Variants in SPHKAP observed in about 807,000 individuals in gnomAD.
The protein encoded by SPHKAP is SPHK1 interactor, AKAP domain containing.
Under a neutral mutation model 137.5 loss-of-function variants are expected in SPHKAP, and 67 were observed. The ratio of observed to expected loss-of-function variants is 0.49; its 90% confidence interval spans 0.40 to 0.60. The LOEUF is 0.60. Ranked by LOEUF, SPHKAP falls within the 20% of genes least tolerant of loss-of-function variation. The probability of loss-of-function intolerance (pLI) is 0.00; values close to 1 mark genes in which losing one functional copy is unlikely to be tolerated. For synonymous variants in SPHKAP, 813 were observed against 785.3 expected (o/e 1.04, Z -0.59); for missense variants, 2,097 against 2,069.3 (o/e 1.01, Z -0.26).
At chr2:228,124,426 C>T (rs1489249199) in intron 2 of SPHKAP, among the ~76,000 whole-genome samples, 1 of 152,002 alleles carries the variant, frequency 6.6e-6, no homozygotes, top group African/African-American at 2.4e-5. Context: ...AGTTCATGTC[C>T]TTTGTAGGGA....
At chr2:228,156,839 C>T (rs10933240) in intron 1 of SPHKAP, among the ~76,000 whole-genome samples, 33,993 of 152,044 alleles carry the variant, frequency 0.22, 4,236 homozygotes, top group East Asian at 0.5. Context: ...CCATGTAAGA[C>T]GTGGCTTTGC....
chr2:228,131,842 C>T, intron 2 of SPHKAP, 138 bp downstream of exon 2: 1 of 1,414,564 alleles, frequency 7.1e-7, no homozygotes, highest in Non-Finnish European at 9.3e-7. Flanking sequence ...TCAAGGCTTA[C>T]TTGGGAAAGC....
At chr2:228,173,025 G>T (rs1197023117) in intron 1 of SPHKAP, 2 of 985,174 alleles carry the variant, frequency 2.0e-6, no homozygotes, top group East Asian at 1.1e-4. Flanking sequence ...CAATAAACAT[G>T]TGCCAAAGAG....
At chr2:228,109,932 T>A (rs1284927342) in intron 2 of SPHKAP, among the ~76,000 whole-genome samples, 5 of 101,652 alleles carry the variant, frequency 4.9e-5, no homozygotes, top group Non-Finnish European at 9.1e-5. Context: ...CACTCCAGCT[T>A]GGGCAACAAG....
rs1310289145 is a variant in SPHKAP, at chr2:228,181,220, T to C, written c.32+347A>G. On this transcript the variant is annotated intron_variant, in intron 1 of 11. Transcript: ENST00000392056. This position sits in a 1 kb window ranked among gnomAD's most constrained non-coding sequence, Gnocchi z 4.3. ...TTGGAATCTGTCTCTCCACAAGGTG[T>C]GAAACCTCTCCAAGCTGTGTCCGCG... Among the ~76,000 whole-genome samples, 1 of 152,076 alleles carries C rather than the reference T, an allele frequency of 6.6e-6. No individual in the cohort carries two copies. The highest frequency in any genetic ancestry group is 2.4e-5 in the African/African-American group (1 of 41,426).
chr2:228,152,919 A>AG (rs971761751), intron 1 of SPHKAP, among the ~76,000 whole-genome samples: 3 of 152,080 alleles, frequency 2.0e-5, no homozygotes, highest in Admixed American at 6.6e-5. Flanking sequence ...TGTCTGTGGC[A>AG]GGGGGGACCC....
At chr2:228,010,755 T>C (rs1001137585) in intron 7 of SPHKAP, among the ~76,000 whole-genome samples, 5 of 152,232 alleles carry the variant, frequency 3.3e-5, no homozygotes, top group African/African-American at 1.2e-4. Context: ...TTTTTATATC[T>C]ACCTTATTCT....
At chr2:228,137,303 G>T (rs1033819483) in intron 1 of SPHKAP, among the ~76,000 whole-genome samples, 32 of 152,204 alleles carry the variant, frequency 2.1e-4, no homozygotes, top group Admixed American at 5.2e-4. Context: ...TATTGAAGTT[G>T]TATGTTCTTA....
intron 2 of SPHKAP, among the ~76,000 whole-genome samples, chr2:228,113,627 C>CTCTCTCTCTCTCTCTCTCTCTCTA (rs1698595965): frequency 6.9e-6 from 1 of 144,700 alleles, no homozygotes; most frequent in Non-Finnish European, 1.5e-5. Flanking sequence ...CTCTCTCTCT[C>CTCTCTCTCTCTCTCTCTCTCTCTA]TCTCTCTCTC....
chr2:228,020,413 T>C (rs2106217924), intron 6 of SPHKAP, among the ~76,000 whole-genome samples: 1 of 152,282 alleles, frequency 6.6e-6, no homozygotes, highest in Middle Eastern at 3.4e-3. Flanking sequence ...TTCATGTCAT[T>C]TGTAGGGACA....
At chr2:228,076,760 A>G (rs1697196247) in intron 3 of SPHKAP, among the ~76,000 whole-genome samples, 1 of 152,246 alleles carries the variant, frequency 6.6e-6, no homozygotes, top group Admixed American at 6.5e-5. Flanking sequence ...AATAGAAAAG[A>G]AAATCCCATT....
intron 3 of SPHKAP, among the ~76,000 whole-genome samples, chr2:228,081,259 T>C (rs570049502): frequency 1.6e-4 from 24 of 152,336 alleles, no homozygotes; most frequent in African/African-American, 5.5e-4. Flanking sequence ...CATGGATTAT[T>C]GTACCCTCTC....
intron 11 of SPHKAP, among the ~76,000 whole-genome samples, chr2:227,988,060 T>A (rs1574710125): frequency 6.6e-6 from 1 of 152,234 alleles, no homozygotes. Flanking sequence ...AGACGAGCTC[T>A]CTTTCGTACA....
chr2:228,032,348 AC>A (rs1174821924), intron 3 of SPHKAP, among the ~76,000 whole-genome samples: 1 of 152,234 alleles, frequency 6.6e-6, no homozygotes, highest in Non-Finnish European at 1.5e-5. Flanking sequence ...AATTAAAAAA[AC>A]GAACAAAGCC....
intron 1 of SPHKAP, among the ~76,000 whole-genome samples, chr2:228,170,100 A>C (rs1432021382): frequency 1.3e-5 from 2 of 152,114 alleles, no homozygotes; most frequent in Non-Finnish European, 2.9e-5. Context: ...ATTTGATAGA[A>C]ATAGTAAGAA....
intron 2 of SPHKAP, among the ~76,000 whole-genome samples, chr2:228,119,393 C>T (rs568530142): frequency 6.6e-6 from 1 of 151,842 alleles, no homozygotes; most frequent in Admixed American, 6.6e-5. Flanking sequence ...AAAGTTTAGT[C>T]ACTGGCTTAA....
At chr2:228,156,486 T>C (rs1700111451) in intron 1 of SPHKAP, among the ~76,000 whole-genome samples, 1 of 152,228 alleles carries the variant, frequency 6.6e-6, no homozygotes, top group South Asian at 2.1e-4. Context: ...ATCTTTCTAA[T>C]GATTTGTTAA....
chr2:228,052,508 C>T lies in SPHKAP; in HGVS notation c.247-24965G>A, dbSNP rs889603482. On this transcript the variant is annotated intron_variant, in intron 3 of 11. Coordinates refer to ENST00000392056, the MANE Select transcript of SPHKAP (RefSeq NM_001142644.2). ...AATATAACACTGTTCAATAGCAGTG[C>T]TGGAAGCCAAAAGACATCAGAGCAA... is the stretch of plus-strand genomic sequence containing the variant. Among the ~76,000 whole-genome samples the T allele has an allele frequency of 2.0e-5, 3 of 152,224 alleles. No homozygotes were observed. The South Asian group carries it at 6.2e-4, about 32-fold the overall frequency.
At position 228,162,777 on chromosome 2, in the gene SPHKAP, C is replaced by T. The variant is rs183297992; in HGVS notation, c.32+18790G>A. Among the ~76,000 whole-genome samples, 553 of 152,220 alleles carry T rather than the reference C, an allele frequency of 3.6e-3. 2 individuals are homozygous for T. The highest frequency in any genetic ancestry group is 0.012 in the African/African-American group (516 of 41,530). ...GCAATGGCGCAATCTTGGCTCACAG[C>T]CACCTCCGCCTCCCGGGTTCAGGTG... is the stretch of plus-strand genomic sequence containing the variant. On this transcript the variant is annotated intron_variant, in intron 1 of 11. Coordinates refer to ENST00000392056, the MANE Select transcript of SPHKAP (RefSeq NM_001142644.2).
Sources: allele counts gnomAD v4.1 joint callset (sites outside exome capture counted in the v4.1 genomes callset), GRCh38; gene constraint gnomAD v4.1.1; non-coding constraint Gnocchi (gnomAD v3.1); transcripts MANE v1.5; gene names NCBI Gene and HGNC (gene_info 2026-07-23, HGNC 2026-07-21).